Variants in CNTNAP2 observed in about 807,000 individuals in gnomAD.
CNTNAP2 encodes contactin associated protein 2.
CNTNAP2 carries 98 observed loss-of-function variants against 155.2 expected under a neutral mutation model. The ratio of observed to expected loss-of-function variants is 0.63; its 90% CI spans 0.54 to 0.75. The LOEUF (loss-of-function observed/expected upper bound fraction) is 0.75. CNTNAP2 is among the 30% of genes least tolerant of loss of function. The pLI, the probability that CNTNAP2 is intolerant of heterozygous loss-of-function variation, is 0.00. For synonymous variants in CNTNAP2, 651 were observed against 631.2 expected (o/e 1.03, Z -0.47); for missense variants, 1,727 against 1,688.1 (o/e 1.02, Z -0.40).
chr7:148,126,267 G>C (rs936260602), intron 16 of CNTNAP2, among the ~76,000 whole-genome samples: 6 of 152,144 alleles, frequency 3.9e-5, no homozygotes, highest in Admixed American at 3.3e-4. Flanking sequence ...GAGGGTTACG[G>C]AACATTAGTT....
At chr7:148,277,346 T>A (rs1011521056) in intron 21 of CNTNAP2, among the ~76,000 whole-genome samples, 1 of 152,144 alleles carries the variant, frequency 6.6e-6, no homozygotes, top group African/African-American at 2.4e-5. Context: ...CCTGCCATCC[T>A]GCCCTTTGCT....
At chr7:146,276,352 C>T (rs6464744) in intron 1 of CNTNAP2, among the ~76,000 whole-genome samples, 2,927 of 152,256 alleles carry the variant, frequency 0.019, 114 homozygotes, top group African/African-American at 0.066. Flanking sequence ...AGTCTAAAAA[C>T]TCTATTGGGA....
At chr7:147,336,114 T>C (rs1210268605) in intron 9 of CNTNAP2, among the ~76,000 whole-genome samples, 4 of 152,192 alleles carry the variant, frequency 2.6e-5, no homozygotes, top group African/African-American at 9.6e-5. Context: ...GTTTATCTTA[T>C]ATGACCTTCA....
chr7:148,250,991 G>A (rs113740996), intron 20 of CNTNAP2, among the ~76,000 whole-genome samples: 4 of 152,266 alleles, frequency 2.6e-5, no homozygotes, highest in African/African-American at 9.6e-5. Context: ...GAGATGACAG[G>A]TGTGCACCAC....
rs112757489 is a variant in CNTNAP2, at chr7:147,294,519, G to T, written c.1349-5622G>T. Among the ~76,000 whole-genome samples, 1,106 of 152,208 alleles carry T rather than the reference G, an allele frequency of 7.3e-3. 16 individuals carry two copies. Among genetic ancestry groups the T allele is most frequent in the African/African-American group, 0.025 (1,053 of 41,534 alleles). ...TCAAATTCCCATTAACAAAGGACTG[G>T]CTAAGATGCATTTTTTAGTTGTCCT... is the stretch of plus-strand genomic sequence containing the variant. On this transcript the variant is annotated intron_variant, in intron 8 of 23. Coordinates refer to ENST00000361727, the MANE Select transcript of CNTNAP2 (RefSeq NM_014141.6).
At chr7:148,351,396 A>G (rs1233023248) in intron 21 of CNTNAP2, among the ~76,000 whole-genome samples, 1 of 152,070 alleles carries the variant, frequency 6.6e-6, no homozygotes, top group Admixed American at 6.6e-5. Flanking sequence ...AACAGCGAGG[A>G]CAGAGCCCTA....
intron 3 of CNTNAP2, among the ~76,000 whole-genome samples, chr7:146,913,475 G>A (rs1184785332): frequency 6.6e-6 from 1 of 152,136 alleles, no homozygotes; most frequent in East Asian, 1.9e-4. Context: ...TTATAAATGA[G>A]AGTAATTTAT....
intron 11 of CNTNAP2, among the ~76,000 whole-genome samples, chr7:147,554,694 T>G (rs1212805713): frequency 6.6e-6 from 1 of 152,158 alleles, no homozygotes; most frequent in Non-Finnish European, 1.5e-5. Context: ...AGAAATTATA[T>G]GCAGGGAAAG....
chr7:147,901,682 A>G (rs1051104302), intron 13 of CNTNAP2, among the ~76,000 whole-genome samples: 2 of 152,212 alleles, frequency 1.3e-5, no homozygotes, highest in African/African-American at 4.8e-5. Flanking sequence ...ATGCAGCTCA[A>G]CTATTTTGCC....
intron 3 of CNTNAP2, among the ~76,000 whole-genome samples, chr7:147,042,498 T>C (rs1799279080): frequency 6.6e-6 from 1 of 152,200 alleles, no homozygotes; most frequent in East Asian, 1.9e-4. Flanking sequence ...TTTGTGTTGC[T>C]TGGATGAACT....
intron 3 of CNTNAP2, among the ~76,000 whole-genome samples, chr7:147,005,528 T>C (rs1325112074): frequency 6.6e-6 from 1 of 151,694 alleles, no homozygotes; most frequent in Non-Finnish European, 1.5e-5. Context: ...CCCAGAAAAA[T>C]GAGTAAGTCA....
At chr7:148,164,570 G>C (rs1046984953) in intron 17 of CNTNAP2, among the ~76,000 whole-genome samples, 2 of 146,030 alleles carry the variant, frequency 1.4e-5, no homozygotes, top group Non-Finnish European at 3.0e-5. Flanking sequence ...TGATAAGATA[G>C]CAACGACACC....
chr7:148,123,229 C>A (rs536103716), intron 16 of CNTNAP2, among the ~76,000 whole-genome samples: 2 of 152,076 alleles, frequency 1.3e-5, no homozygotes, highest in African/African-American at 4.8e-5. Context: ...GATGAGATTG[C>A]CCAAAACAAA....
chr7:146,265,471 T>C (rs1268675772), intron 1 of CNTNAP2, among the ~76,000 whole-genome samples: 2 of 150,804 alleles, frequency 1.3e-5, no homozygotes, highest in South Asian at 2.1e-4. Flanking sequence ...TTTTTTTTTT[T>C]CCTTGAGACA....
chr7:146,325,959 G>C (rs1801091207), intron 1 of CNTNAP2, among the ~76,000 whole-genome samples: 1 of 152,086 alleles, frequency 6.6e-6, no homozygotes, highest in African/African-American at 2.4e-5. Flanking sequence ...CAAAAGAATT[G>C]CTCAGGCTAG....
intron 4 of CNTNAP2, among the ~76,000 whole-genome samples, chr7:147,073,068 G>A (rs1292579361): frequency 1.3e-5 from 2 of 150,040 alleles, no homozygotes; most frequent in African/African-American, 4.9e-5. Flanking sequence ...TAGCCAGGAT[G>A]GTCTCGATCT....
chr7:146,604,953 T>G (rs1467752234), intron 1 of CNTNAP2, among the ~76,000 whole-genome samples: 1 of 130,002 alleles, frequency 7.7e-6, no homozygotes, highest in Non-Finnish European at 1.7e-5. Flanking sequence ...AGGGATAGCA[T>G]TGGGAGATAT....
At chr7:147,469,520 T>G (rs1365799435) in intron 10 of CNTNAP2, among the ~76,000 whole-genome samples, 5 of 82,530 alleles carry the variant, frequency 6.1e-5, no homozygotes, top group African/African-American at 2.8e-4. Context: ...TTTTTTTTTT[T>G]TTTTTTTTTT....
chr7:147,666,628 A>C (rs2116959846), intron 13 of CNTNAP2, among the ~76,000 whole-genome samples: 1 of 152,302 alleles, frequency 6.6e-6, no homozygotes, highest in East Asian at 1.9e-4. Flanking sequence ...AGCCTCATAC[A>C]TCCCATGTTT....
Sources: allele counts gnomAD v4.1 joint callset (sites outside exome capture counted in the v4.1 genomes callset), GRCh38; gene constraint gnomAD v4.1.1; transcripts MANE v1.5; gene names NCBI Gene and HGNC (gene_info 2026-07-23, HGNC 2026-07-21).